CEP63: variants seen among roughly 807,000 people sequenced by gnomAD.
CEP63 encodes the protein centrosomal protein 63.
Under a neutral mutation model 89.1 loss-of-function variants are expected in CEP63, and 84 were observed. The ratio of observed to expected loss-of-function variants is 0.94; its 90% confidence interval spans 0.79 to 1.13. CEP63 has a LOEUF of 1.13. Among genes scored for constraint, CEP63 ranks in the 50% most tolerant of loss-of-function variants. The probability of loss-of-function intolerance (pLI) is 0.00; values close to 1 mark genes in which losing one functional copy is unlikely to be tolerated. For missense variants in CEP63, 838 were observed against 813.3 expected (o/e 1.03, Z -0.37); for synonymous variants, 267 against 272.5 (o/e 0.98, Z 0.20).
chr3:134,760,276 G>A, the CEP63 span, among the ~76,000 whole-genome samples: 1 of 151,944 alleles, frequency 6.6e-6, no homozygotes, highest in Non-Finnish European at 1.5e-5. Flanking sequence ...AGCCAGGATG[G>A]TCTCGATCTC....
At chr3:134,725,600 A>G in the CEP63 span, among the ~76,000 whole-genome samples, 1 of 152,196 alleles carries the variant, frequency 6.6e-6, no homozygotes, top group Non-Finnish European at 1.5e-5. Flanking sequence ...TATTACATAC[A>G]TATTGTGTGG....
At chr3:134,608,907 C>A in the CEP63 span, 1 of 1,528,530 alleles carries the variant, frequency 6.5e-7, no homozygotes, top group African/African-American at 1.4e-5. Context: ...ATACACCCAC[C>A]GGAGTGGTCC....
chr3:134,707,544 A>T, the CEP63 span, among the ~76,000 whole-genome samples: 1 of 151,870 alleles, frequency 6.6e-6, no homozygotes, highest in South Asian at 2.1e-4. Flanking sequence ...AATCAGCTCT[A>T]CTCCTAGTTC....
At chr3:134,584,250 G>C (rs953341952) in intron 10 of CEP63, among the ~76,000 whole-genome samples, 29 of 152,154 alleles carry the variant, frequency 1.9e-4, no homozygotes, top group Non-Finnish European at 2.6e-4. Flanking sequence ...TCCTTGTCTT[G>C]TGCCAGTTTG....
the CEP63 span, among the ~76,000 whole-genome samples, chr3:134,764,157 C>T: frequency 1.3e-5 from 2 of 152,166 alleles, no homozygotes; most frequent in Non-Finnish European, 2.9e-5. Context: ...TGCCTCAATG[C>T]CAAGTAGCTA....
At chr3:134,713,367 G>C in the CEP63 span, among the ~76,000 whole-genome samples, 5 of 151,782 alleles carry the variant, frequency 3.3e-5, no homozygotes, top group Admixed American at 1.3e-4. Context: ...TGACACATGG[G>C]GGAGGTCTGC....
At position 134,574,577 on chromosome 3, in the gene CEP63, G is replaced by A. The variant is rs115646668; in HGVS notation, c.1330-216G>A. 3.6e-3 allele frequency among the ~76,000 whole-genome samples: 549 copies of A among 152,174 alleles called. 8 individuals carry two copies. Among genetic ancestry groups the A allele is most frequent in the African/African-American group, 0.013 (527 of 41,522 alleles). ...TTTAACACTGGATCTAAAAATATTT[G>A]ATTAGATTCAAAATTTATCCATAAT... On this transcript the variant is annotated intron_variant, in intron 11 of 11. Transcript: ENST00000354446.
chr3:134,538,575 C>CA (rs1473381419), intron 6 of CEP63, among the ~76,000 whole-genome samples: 2 of 99,294 alleles, frequency 2.0e-5, no homozygotes, highest in African/African-American at 5.7e-5. Context: ...ATTTTTTTAA[C>CA]AACAAAAAAT....
chr3:134,763,638 T>A, the CEP63 span, among the ~76,000 whole-genome samples: 1 of 152,358 alleles, frequency 6.6e-6, no homozygotes, highest in East Asian at 1.9e-4. Flanking sequence ...CCCAGTTCGC[T>A]GTGTTTTGGA....
At chr3:134,625,236 T>A in the CEP63 span, 1 of 860,940 alleles carries the variant, frequency 1.2e-6, no homozygotes, top group Non-Finnish European at 1.9e-6. Flanking sequence ...CTGTCCAACC[T>A]TTAACACAAT....
chr3:134,725,809 T>G, the CEP63 span, among the ~76,000 whole-genome samples: 1 of 152,092 alleles, frequency 6.6e-6, no homozygotes, highest in Non-Finnish European at 1.5e-5. Context: ...CTGGCGTTAG[T>G]GCAGACAAGG....
intron 3 of CEP63, among the ~76,000 whole-genome samples, chr3:134,520,311 TACC>T (rs1947164897): frequency 6.6e-6 from 1 of 152,148 alleles, no homozygotes; most frequent in Non-Finnish European, 1.5e-5. Flanking sequence ...TTAAAAAAGA[TACC>T]CTTGACAAGA....
the CEP63 span, among the ~76,000 whole-genome samples, chr3:134,773,723 C>A: frequency 6.6e-6 from 1 of 151,988 alleles, no homozygotes; most frequent in Non-Finnish European, 1.5e-5. Flanking sequence ...CTGTTTACAT[C>A]CCCTGATTAA....
chr3:134,515,383 T>C (rs1258736194), intron 3 of CEP63, among the ~76,000 whole-genome samples: 1 of 152,212 alleles, frequency 6.6e-6, no homozygotes, highest in Non-Finnish European at 1.5e-5. Context: ...AGAAAAACTG[T>C]CCAACTGGAT....
chr3:134,749,694 C>A, the CEP63 span, among the ~76,000 whole-genome samples: 1 of 44,374 alleles, frequency 2.3e-5, no homozygotes, highest in South Asian at 8.6e-4. Flanking sequence ...AGAATAACAA[C>A]AGGGGTTGTT....
chr3:134,613,279 T>G, the CEP63 span: 1 of 153,596 alleles, frequency 6.5e-6, no homozygotes, highest in South Asian at 2.0e-4. Context: ...GTATGGAATG[T>G]CCTCCTGGGA....
chr3:134,517,050 C>T (rs1397806046), intron 3 of CEP63, among the ~76,000 whole-genome samples: 1 of 152,174 alleles, frequency 6.6e-6, no homozygotes, highest in Non-Finnish European at 1.5e-5. Flanking sequence ...TGAAAGATTC[C>T]ATCTGGTTCC....
At chr3:134,493,747 G>A (rs1179160738) in intron 1 of CEP63, among the ~76,000 whole-genome samples, 1 of 151,964 alleles carries the variant, frequency 6.6e-6, no homozygotes, top group East Asian at 1.9e-4. Flanking sequence ...TCCCATACTA[G>A]ACTATTAATA....
At chr3:134,585,268 A>C (rs1214960288) in intron 10 of CEP63, among the ~76,000 whole-genome samples, 1 of 151,730 alleles carries the variant, frequency 6.6e-6, no homozygotes, top group Non-Finnish European at 1.5e-5. Context: ...TAGTTCTTTT[A>C]ATTGTGATGT....
Sources: allele counts gnomAD v4.1 joint callset (sites outside exome capture counted in the v4.1 genomes callset), GRCh38; gene constraint gnomAD v4.1.1; transcripts MANE v1.5; gene names NCBI Gene and HGNC (gene_info 2026-07-23, HGNC 2026-07-21).